TCF7L2: variants seen among roughly 807,000 people sequenced by gnomAD.
TCF7L2 encodes transcription factor 7-like 2.
TCF7L2 carries 23 observed loss-of-function variants against 77.9 expected under a neutral mutation model. That is an observed-to-expected ratio of 0.30 (90% confidence interval 0.21 to 0.42). TCF7L2 has a LOEUF of 0.42. Among genes scored for constraint, TCF7L2 ranks in the 10% least tolerant of loss-of-function variants. The probability of loss-of-function intolerance (pLI) is 1.00; values close to 1 mark genes in which losing one functional copy is unlikely to be tolerated. For missense variants in TCF7L2, 654 were observed against 793.1 expected (o/e 0.82, Z 2.11); for synonymous variants, 413 against 340.2 (o/e 1.21, Z -2.36).
intron 5 of TCF7L2, among the ~76,000 whole-genome samples, chr10:113,057,768 T>A (rs7071302): frequency 1.3e-5 from 2 of 151,916 alleles, no homozygotes; most frequent in Admixed American, 6.5e-5. Flanking sequence ...GTGGCTTTTC[T>A]CAGGTGGAAA....
At chr10:113,134,094 G>A (rs1256521874) in intron 5 of TCF7L2, among the ~76,000 whole-genome samples, 3 of 152,284 alleles carry the variant, frequency 2.0e-5, no homozygotes, top group East Asian at 3.9e-4. Flanking sequence ...TGTAGCTATC[G>A]ATAGAAGTCT....
intron 4 of TCF7L2, among the ~76,000 whole-genome samples, chr10:112,988,734 C>G (rs1487230554): frequency 2.0e-4 from 31 of 152,286 alleles, no homozygotes; most frequent in Non-Finnish European, 1.5e-5. Context: ...TCTTGTGGTT[C>G]TATCTTGTGT....
At chr10:112,961,379 C>T (rs1322877652) in intron 3 of TCF7L2, among the ~76,000 whole-genome samples, 1 of 151,892 alleles carries the variant, frequency 6.6e-6, no homozygotes, top group Non-Finnish European at 1.5e-5. Context: ...ACTTCGCAGT[C>T]TCACCTCATA....
chr10:113,018,659 G>A (rs542654872), intron 4 of TCF7L2, among the ~76,000 whole-genome samples: 16 of 152,026 alleles, frequency 1.1e-4, no homozygotes, highest in African/African-American at 3.9e-4. Flanking sequence ...GTAGAGACAG[G>A]GTTTCACCCT....
intron 4 of TCF7L2, among the ~76,000 whole-genome samples, chr10:112,978,633 A>ATTTTT (rs988727404): frequency 1.6e-5 from 2 of 126,872 alleles, no homozygotes; most frequent in African/African-American, 3.0e-5. Context: ...CGCCTGGCTA[A>ATTTTT]TTTTTTTTTT....
intron 5 of TCF7L2, among the ~76,000 whole-genome samples, chr10:113,117,457 C>CTCT (rs1403761523): frequency 8.6e-6 from 1 of 116,594 alleles, no homozygotes; most frequent in East Asian, 2.5e-4. Context: ...CTCTCTCTCT[C>CTCT]TTCTCCCCCC....
intron 13 of TCF7L2, among the ~76,000 whole-genome samples, chr10:113,163,159 C>G (rs2073461260): frequency 6.6e-6 from 1 of 152,144 alleles, no homozygotes; most frequent in African/African-American, 2.4e-5. Flanking sequence ...GTCCCGTGTT[C>G]CAGATACCCC....
rs145011314 is a variant in TCF7L2, at chr10:113,061,217, G to A, written c.552+21091G>A. 9.9e-3 allele frequency among the ~76,000 whole-genome samples: 1,503 copies of A among 152,140 alleles called. 19 individuals are homozygous for A. The highest frequency in any genetic ancestry group is 0.012 in the Non-Finnish European group (834 of 67,996). On this transcript the variant is annotated intron_variant, in intron 5 of 13. Transcript: ENST00000627217. ...TGGGGGACAGGGTTTCCCAAGGCTG[G>A]TTGCCAGCTGGCATGGTCCCCCGTT...
intron 4 of TCF7L2, among the ~76,000 whole-genome samples, chr10:113,033,179 C>A (rs988193219): frequency 1.3e-5 from 2 of 150,942 alleles, no homozygotes; most frequent in Non-Finnish European, 3.0e-5. Flanking sequence ...TCCCTCCCTC[C>A]CTCCTTTCCT....
chr10:113,027,456 CA>C (rs2049386704), intron 4 of TCF7L2, among the ~76,000 whole-genome samples: 1 of 152,154 alleles, frequency 6.6e-6, no homozygotes, highest in African/African-American at 2.4e-5. Flanking sequence ...CTTATCTCCT[CA>C]AATCACCCAC....
chr10:113,045,992 C>T (rs922131818), intron 5 of TCF7L2, among the ~76,000 whole-genome samples: 2 of 152,078 alleles, frequency 1.3e-5, no homozygotes, highest in African/African-American at 4.8e-5. Flanking sequence ...ACCAGGCAAT[C>T]AGGTTATCTT....
At position 113,137,804 on chromosome 10, in the gene TCF7L2, G is replaced by A. The variant is rs11812699; in HGVS notation, c.553-3380G>A. On this transcript the variant is annotated intron_variant, in intron 5 of 13. Coordinates refer to ENST00000627217, the MANE Select transcript of TCF7L2 (RefSeq NM_001146274.2). ...TTTAGGAGAATGTGCTCTCCATTCC[G>A]CAGACTGGGCACTTGGGAGGACATA... is the stretch of plus-strand genomic sequence containing the variant. Among the ~76,000 whole-genome samples, 717 of 152,294 alleles carry A rather than the reference G, an allele frequency of 4.7e-3. 2 individuals carry two copies. Among genetic ancestry groups the A allele is most frequent in the African/African-American group, 0.016 (678 of 41,550 alleles).
At chr10:113,084,709 A>C (rs951987851) in intron 5 of TCF7L2, among the ~76,000 whole-genome samples, 4 of 152,144 alleles carry the variant, frequency 2.6e-5, no homozygotes, top group African/African-American at 9.7e-5. Context: ...AGCCTGGCCA[A>C]CATGGTGAAA....
At chr10:113,153,409 A>G (rs1322927760) in intron 11 of TCF7L2, among the ~76,000 whole-genome samples, 1 of 152,236 alleles carries the variant, frequency 6.6e-6, no homozygotes, top group Non-Finnish European at 1.5e-5. Flanking sequence ...TAAGGCCGGC[A>G]CAGGCCTCTC....
At chr10:113,073,503 CAAAAAAAAAAA>C (rs35730806) in intron 5 of TCF7L2, among the ~76,000 whole-genome samples, 3,918 of 44,234 alleles carry the variant, frequency 0.089, 564 homozygotes, top group East Asian at 0.58. Flanking sequence ...CGGTCTCTAC[CAAAAAAAAAAA>C]AAAAAAAAAA....
chr10:113,124,553 G>A (rs374312939), intron 5 of TCF7L2, among the ~76,000 whole-genome samples: 4 of 151,896 alleles, frequency 2.6e-5, no homozygotes, highest in Admixed American at 2.0e-4. Flanking sequence ...CTAAGAAATC[G>A]CCGTATATAT....
At chr10:113,162,403 A>G (rs141062995) in intron 13 of TCF7L2, among the ~76,000 whole-genome samples, 1 of 151,940 alleles carries the variant, frequency 6.6e-6, no homozygotes, top group East Asian at 1.9e-4. Context: ...AGTTATTCCT[A>G]ACATTGACCC....
intron 5 of TCF7L2, among the ~76,000 whole-genome samples, chr10:113,064,513 T>G (rs1045698361): frequency 1.3e-5 from 2 of 152,264 alleles, no homozygotes; most frequent in African/African-American, 4.8e-5. Flanking sequence ...TGGGTTATTT[T>G]GCCATAAACG....
At chr10:113,077,724 A>G (rs1447901192) in intron 5 of TCF7L2, among the ~76,000 whole-genome samples, 2 of 134,068 alleles carry the variant, frequency 1.5e-5, no homozygotes, top group Admixed American at 1.6e-4. Flanking sequence ...TTTTTGAGAT[A>G]GAGTCTTGCT....
Sources: allele counts gnomAD v4.1 joint callset (sites outside exome capture counted in the v4.1 genomes callset), GRCh38; gene constraint gnomAD v4.1.1; transcripts MANE v1.5; gene names NCBI Gene and HGNC (gene_info 2026-07-23, HGNC 2026-07-21).